Variants in MAF observed in about 807,000 individuals in gnomAD.
MAF encodes the protein transcription factor Maf.
MAF carries 10 observed loss-of-function variants against 22.0 expected under a neutral mutation model. The ratio of observed to expected loss-of-function variants is 0.45; its 90% CI spans 0.28 to 0.77. The LOEUF (loss-of-function observed/expected upper bound fraction) is 0.77. Ranked by LOEUF, MAF falls within the 30% of genes least tolerant of loss-of-function variation. MAF has a pLI of 0.12. For synonymous variants in MAF, 337 were observed against 255.8 expected (o/e 1.32, Z -3.03); for missense variants, 544 against 548.4 (o/e 0.99, Z 0.08).
the MAF span, among the ~76,000 whole-genome samples, chr16:79,476,466 G>A: frequency 1.3e-5 from 2 of 152,228 alleles, no homozygotes; most frequent in East Asian, 1.9e-4. Context: ...GAAATGAAGT[G>A]TGCATCGACA....
chr16:79,432,667 A>C, the MAF span, among the ~76,000 whole-genome samples: 4 of 152,204 alleles, frequency 2.6e-5, no homozygotes, highest in Non-Finnish European at 4.4e-5. Flanking sequence ...GGAAGTAGTT[A>C]AGATGAAGTC....
chr16:79,429,749 TG>T, the MAF span, among the ~76,000 whole-genome samples: 55 of 152,134 alleles, frequency 3.6e-4, no homozygotes, highest in African/African-American at 1.3e-3. Flanking sequence ...TTGGATTCCT[TG>T]TGTCTGGTGC....
At chr16:79,490,001 G>A in the MAF span, among the ~76,000 whole-genome samples, 7 of 152,318 alleles carry the variant, frequency 4.6e-5, no homozygotes, top group Non-Finnish European at 1.0e-4. Flanking sequence ...AAGCTAACAA[G>A]GATGAAAGCC....
the MAF span, among the ~76,000 whole-genome samples, chr16:79,474,156 G>A: frequency 6.6e-6 from 1 of 152,120 alleles, no homozygotes; most frequent in Non-Finnish European, 1.5e-5. Context: ...GGATAACCTA[G>A]AATTATTTGT....
the MAF span, among the ~76,000 whole-genome samples, chr16:79,441,567 A>G: frequency 1.1e-4 from 16 of 152,234 alleles, no homozygotes; most frequent in African/African-American, 3.9e-4. Flanking sequence ...ATTTTTACAG[A>G]TCAAAAAATA....
At chr16:79,560,861 G>A in the MAF span, among the ~76,000 whole-genome samples, 1 of 152,176 alleles carries the variant, frequency 6.6e-6, no homozygotes, top group Admixed American at 6.5e-5. Context: ...GGTGTGGCGG[G>A]AAATAGGGGG....
intron 1 of MAF, chr16:79,598,474 A>C (rs1447981911): frequency 5.5e-6 from 7 of 1,270,844 alleles, no homozygotes; most frequent in African/African-American, 1.6e-5. Flanking sequence ...AAAAAAAACA[A>C]GCTAGCAAGT....
chr16:79,453,074 C>T, the MAF span, among the ~76,000 whole-genome samples: 256 of 152,304 alleles, frequency 1.7e-3, no homozygotes, highest in African/African-American at 5.7e-3. Context: ...AGTCCCTTCT[C>T]TAGGTAATGT....
the MAF span, among the ~76,000 whole-genome samples, chr16:79,460,633 C>T: frequency 6.6e-6 from 1 of 152,178 alleles, no homozygotes; most frequent in Non-Finnish European, 1.5e-5. Flanking sequence ...TTCAACTTTT[C>T]ATTTAAAAAT....
the MAF span, among the ~76,000 whole-genome samples, chr16:79,284,107 G>C: frequency 1.3e-5 from 2 of 152,000 alleles, no homozygotes; most frequent in African/African-American, 4.8e-5. Flanking sequence ...ATTTGTGCTA[G>C]AAATTGCTGG....
downstream of MAF, among the ~76,000 whole-genome samples, chr16:79,581,373 A>C (rs1167403095): frequency 6.6e-6 from 1 of 152,150 alleles, no homozygotes; most frequent in Non-Finnish European, 1.5e-5. Flanking sequence ...CCGGCAACAA[A>C]AGGTCTCTAT....
the MAF span, among the ~76,000 whole-genome samples, chr16:79,215,425 G>A: frequency 1.2e-4 from 18 of 152,182 alleles, no homozygotes; most frequent in Non-Finnish European, 2.5e-4. Context: ...CTCTAGTTAT[G>A]CTTCAAGCAT....
At chr16:79,315,092 C>T in the MAF span, among the ~76,000 whole-genome samples, 1 of 152,074 alleles carries the variant, frequency 6.6e-6, no homozygotes, top group East Asian at 1.9e-4. Flanking sequence ...TATTATTATT[C>T]ATTATTTCAT....
chr16:79,399,026 G>C, the MAF span, among the ~76,000 whole-genome samples: 229 of 152,296 alleles, frequency 1.5e-3, no homozygotes, highest in Non-Finnish European at 2.9e-3. Flanking sequence ...CAAGTGCCCA[G>C]TTCTTAGCAT....
chr16:79,384,121 G>C, the MAF span, among the ~76,000 whole-genome samples: 1 of 152,130 alleles, frequency 6.6e-6, no homozygotes, highest in African/African-American at 2.4e-5. Flanking sequence ...AAGGGAGTCA[G>C]GAAAGTATTC....
the MAF span, among the ~76,000 whole-genome samples, chr16:79,498,380 A>G: frequency 6.6e-6 from 1 of 152,182 alleles, no homozygotes; most frequent in Non-Finnish European, 1.5e-5. Context: ...TAAATTTCAT[A>G]TAATCTGTAT....
the MAF span, among the ~76,000 whole-genome samples, chr16:79,565,991 C>T: frequency 3.5e-4 from 53 of 152,294 alleles, no homozygotes; most frequent in African/African-American, 1.2e-3. Flanking sequence ...AGGCCATGCA[C>T]AATTCACCCT....
chr16:79,534,757 A>C, the MAF span, among the ~76,000 whole-genome samples: 2 of 152,188 alleles, frequency 1.3e-5, no homozygotes, highest in Non-Finnish European at 2.9e-5. Flanking sequence ...GAAAGAAAGA[A>C]AAGAAAACTG....
the MAF span, among the ~76,000 whole-genome samples, chr16:79,383,582 T>A: frequency 0.043 from 6,515 of 152,308 alleles, 284 homozygotes; most frequent in East Asian, 0.2. Context: ...AGAAGCCATG[T>A]GACGCCAGGC....
Sources: allele counts gnomAD v4.1 joint callset (sites outside exome capture counted in the v4.1 genomes callset), GRCh38; gene constraint gnomAD v4.1.1; transcripts MANE v1.5; gene names NCBI Gene and HGNC (gene_info 2026-07-23, HGNC 2026-07-21).